KCNQ5: variants seen among roughly 807,000 people sequenced by gnomAD.
The protein encoded by KCNQ5 is potassium voltage-gated channel subfamily Q member 5.
Under a neutral mutation model 98.2 loss-of-function variants are expected in KCNQ5, and 30 were observed. The ratio of observed to expected loss-of-function variants is 0.31; its 90% CI spans 0.23 to 0.41. The LOEUF (loss-of-function observed/expected upper bound fraction) is 0.41. Ranked by LOEUF, KCNQ5 falls within the 10% of genes least tolerant of loss-of-function variation. The pLI, the probability that KCNQ5 is intolerant of heterozygous loss-of-function variation, is 1.00. For synonymous variants in KCNQ5, 458 were observed against 449.4 expected (o/e 1.02, Z -0.24); for missense variants, 835 against 1,182.5 (o/e 0.71, Z 4.31).
chr6:73,068,760 T>G (rs983110460), intron 3 of KCNQ5, among the ~76,000 whole-genome samples: 12 of 152,206 alleles, frequency 7.9e-5, no homozygotes, highest in African/African-American at 2.9e-4. Context: ...GTTCTCATTT[T>G]TTATACTGCT....
chr6:72,859,961 C>T (rs1178091947), intron 1 of KCNQ5, among the ~76,000 whole-genome samples: 1 of 143,990 alleles, frequency 6.9e-6, no homozygotes, highest in Non-Finnish European at 1.5e-5. Flanking sequence ...ATCCTATTCA[C>T]CAAAAAAAAA....
intron 1 of KCNQ5, among the ~76,000 whole-genome samples, chr6:72,845,562 T>G (rs1776985460): frequency 6.6e-6 from 1 of 152,198 alleles, no homozygotes. Flanking sequence ...AAACATCAGT[T>G]GCATTCATGG....
At chr6:73,159,048 T>C (rs1005031664) in intron 10 of KCNQ5, among the ~76,000 whole-genome samples, 7 of 152,358 alleles carry the variant, frequency 4.6e-5, no homozygotes, top group African/African-American at 1.7e-4. Flanking sequence ...ACTTACCTTG[T>C]ATAAAATTGT....
In KCNQ5 at chr6:73,120,510, G is replaced by A. The variant is rs1775703595; in HGVS notation, c.1153G>A (p.Glu385Lys). The A allele has an allele frequency of 1.2e-6, 2 of 1,612,292 alleles. No homozygotes were observed. Among genetic ancestry groups the A allele is most frequent in the Admixed American group, 1.7e-5 (1 of 59,964 alleles). The change falls in exon 8 of 14, where the codon GAG (glutamate) becomes AAG (lysine). Residue 385 changes from glutamate to lysine, a missense_variant. Glu to Lys is a moderately conservative substitution (Grantham distance 56, BLOSUM62 1). Coordinates refer to ENST00000370398, the MANE Select transcript of KCNQ5 (RefSeq NM_019842.4). ...TGTTTGGCGTAGTTACGCAGCTGAT[G>A]AGAAATCTGTTTCCATTGCAACCTG... ...QCVWRSYAAD[E>K]KSVSIATWKP...
chr6:73,162,343 A>C (rs1415196002), intron 10 of KCNQ5, among the ~76,000 whole-genome samples: 5 of 152,128 alleles, frequency 3.3e-5, no homozygotes, highest in Non-Finnish European at 7.4e-5. Flanking sequence ...TTTTATATTT[A>C]TTTTTCTCCC....
intron 1 of KCNQ5, among the ~76,000 whole-genome samples, chr6:72,729,688 C>T (rs559312641): frequency 6.6e-6 from 1 of 152,326 alleles, no homozygotes; most frequent in Non-Finnish European, 1.5e-5. Flanking sequence ...CTTGTCAACA[C>T]TGTGTGTTAA....
intron 10 of KCNQ5, among the ~76,000 whole-genome samples, chr6:73,154,984 T>C (rs1369428945): frequency 6.6e-6 from 1 of 152,214 alleles, no homozygotes; most frequent in Non-Finnish European, 1.5e-5. Context: ...TGGAGCTCAC[T>C]GTCTAACAAG....
At chr6:72,648,610 T>G (rs1251056999) in intron 1 of KCNQ5, among the ~76,000 whole-genome samples, 1 of 151,992 alleles carries the variant, frequency 6.6e-6, no homozygotes, top group Non-Finnish European at 1.5e-5. Flanking sequence ...TGTTTAGACT[T>G]GGTAGATACT....
intron 1 of KCNQ5, among the ~76,000 whole-genome samples, chr6:72,745,135 T>C (rs1582210133): frequency 6.6e-6 from 1 of 152,240 alleles, no homozygotes; most frequent in East Asian, 1.9e-4. Flanking sequence ...TCTGTGTCTC[T>C]GTTTTTCTTG....
intron 1 of KCNQ5, among the ~76,000 whole-genome samples, chr6:72,691,053 TTTC>T (rs1223977790): frequency 1.3e-5 from 2 of 152,194 alleles, no homozygotes; most frequent in Non-Finnish European, 2.9e-5. Context: ...CAAACTGGCT[TTTC>T]TTCTTAGCAT....
chr6:72,867,384 TGCCTTAAAA>T (rs1270023025), intron 1 of KCNQ5, among the ~76,000 whole-genome samples: 1 of 152,208 alleles, frequency 6.6e-6, no homozygotes, highest in Non-Finnish European at 1.5e-5. Flanking sequence ...GGTCTTAAGG[TGCCTTAAAA>T]GAAACACAGA....
At chr6:73,013,923 C>G (rs1770197566) in intron 2 of KCNQ5, among the ~76,000 whole-genome samples, 1 of 152,086 alleles carries the variant, frequency 6.6e-6, no homozygotes, top group Non-Finnish European at 1.5e-5. Flanking sequence ...CAATTCAGAC[C>G]ACTAGAAGTT....
At chr6:73,009,203 G>A (rs556528001) in intron 2 of KCNQ5, among the ~76,000 whole-genome samples, 4 of 152,138 alleles carry the variant, frequency 2.6e-5, no homozygotes, top group African/African-American at 9.6e-5. Context: ...TATTAGCCAG[G>A]CTGGTCTTGA....
In KCNQ5 at chr6:72,814,159, G is replaced by A. The variant is rs573714145; in HGVS notation, c.399-189749G>A. Among the ~76,000 whole-genome samples, 13 of 152,322 alleles carry A rather than the reference G, an allele frequency of 8.5e-5. No individual in the cohort carries two copies. The South Asian group carries it at 2.7e-3, about 32-fold the overall frequency. On this transcript the variant is annotated intron_variant, in intron 1 of 13. Transcript: ENST00000370398. ...TTGAATCTAGGAACAGAAGGAAAGGGAAGGGTGGGAAGCAGAAGACAAGGC... is the reference window on the plus strand; with the variant it reads ...TTGAATCTAGGAACAGAAGGAAAGGAAAGGGTGGGAAGCAGAAGACAAGGC...
At chr6:73,011,150 G>A (rs951027641) in intron 2 of KCNQ5, among the ~76,000 whole-genome samples, 3 of 151,930 alleles carry the variant, frequency 2.0e-5, no homozygotes, top group Admixed American at 6.6e-5. Context: ...CAATCATGAG[G>A]TAGTTTCCTA....
At chr6:72,728,251 T>C (rs1376528484) in intron 1 of KCNQ5, among the ~76,000 whole-genome samples, 1 of 152,092 alleles carries the variant, frequency 6.6e-6, no homozygotes, top group East Asian at 1.9e-4. Flanking sequence ...AATAGCTTAC[T>C]TCTGTCTCAT....
chr6:72,806,040 G>A (rs1366193469), intron 1 of KCNQ5, among the ~76,000 whole-genome samples: 1 of 152,082 alleles, frequency 6.6e-6, no homozygotes, highest in African/African-American at 2.4e-5. Flanking sequence ...GAGGCAACTG[G>A]TGACAGAGAC....
intron 2 of KCNQ5, among the ~76,000 whole-genome samples, chr6:73,007,029 T>A (rs952660188): frequency 3.3e-5 from 5 of 152,032 alleles, no homozygotes; most frequent in Non-Finnish European, 7.4e-5. Context: ...CCTTTAGACA[T>A]CTCTTGCTTG....
At chr6:73,014,936 A>C (rs1770254340) in intron 2 of KCNQ5, among the ~76,000 whole-genome samples, 1 of 152,226 alleles carries the variant, frequency 6.6e-6, no homozygotes, top group East Asian at 1.9e-4. Flanking sequence ...CCACAAGCAC[A>C]TTTACTGGTC....
Sources: allele counts gnomAD v4.1 joint callset (sites outside exome capture counted in the v4.1 genomes callset), GRCh38; gene constraint gnomAD v4.1.1; transcripts MANE v1.5; gene names NCBI Gene and HGNC (gene_info 2026-07-23, HGNC 2026-07-21).